MEI4: variants seen among roughly 807,000 people sequenced by gnomAD.
MEI4 encodes meiosis-specific protein MEI4.
A neutral mutation model predicts 31.4 loss-of-function variants in MEI4; 27 were observed. The ratio of observed to expected loss-of-function variants is 0.86; its 90% CI spans 0.63 to 1.19. The LOEUF (loss-of-function observed/expected upper bound fraction) is 1.19, where lower values mean the gene tolerates loss of function less well. Ranked by LOEUF, MEI4 falls within the 50% of genes most tolerant of loss-of-function variation. The pLI is 0.00. For synonymous variants in MEI4, 122 were observed against 145.4 expected (o/e 0.84, Z 1.16); for missense variants, 329 against 398.9 (o/e 0.82, Z 1.49).
At chr6:77,917,120 A>G (rs1171406717) in intron 4 of MEI4, among the ~76,000 whole-genome samples, 1 of 151,894 alleles carries the variant, frequency 6.6e-6, no homozygotes, top group Non-Finnish European at 1.5e-5. Context: ...TTATGGCTGC[A>G]TAGTATTCCG....
At chr6:77,916,034 T>G (rs983191112) in intron 4 of MEI4, among the ~76,000 whole-genome samples, 1 of 152,056 alleles carries the variant, frequency 6.6e-6, no homozygotes, top group Non-Finnish European at 1.5e-5. Flanking sequence ...TAATTCTGCT[T>G]GACCTAGTTG....
chr6:77,830,647 A>G lies in MEI4; in HGVS notation c.900+1585A>G, dbSNP rs374367147. Among the ~76,000 whole-genome samples the G allele has an allele frequency of 1.6e-4, 25 of 152,182 alleles. No individual in the cohort carries two copies. The East Asian group carries it at 1.9e-3, about 12-fold the overall frequency. On this transcript the variant is annotated intron_variant, in intron 4 of 4. Coordinates refer to ENST00000684080, the MANE Select transcript of MEI4 (RefSeq NM_001322247.2). Reference sequence around the variant, plus strand: ...CTTGTATTTTGCTAAGGAGTTTTGCATTGGCCAAAGGGCAGTATTTAATAA... The same window carrying G: ...CTTGTATTTTGCTAAGGAGTTTTGCGTTGGCCAAAGGGCAGTATTTAATAA...
chr6:77,829,089 T>C (rs991079826), intron 4 of MEI4, 27 bp downstream of exon 4: 28 of 1,224,904 alleles, frequency 2.3e-5, no homozygotes, highest in Non-Finnish European at 2.8e-5. Flanking sequence ...ACTGTAGTTC[T>C]CATATATAGT....
intron 4 of MEI4, among the ~76,000 whole-genome samples, chr6:77,920,391 A>AC (rs1212526671): frequency 6.6e-6 from 1 of 152,048 alleles, no homozygotes; most frequent in East Asian, 1.9e-4. Flanking sequence ...AGAGCCAAAG[A>AC]CAAAAACCAC....
chr6:77,762,747 T>C (rs1768074185), intron 3 of MEI4, among the ~76,000 whole-genome samples: 1 of 152,152 alleles, frequency 6.6e-6, no homozygotes, highest in Non-Finnish European at 1.5e-5. Flanking sequence ...TTGATCAATA[T>C]TTTAAAAACT....
chr6:77,784,227 A>C (rs1768671470), intron 3 of MEI4, among the ~76,000 whole-genome samples: 1 of 152,214 alleles, frequency 6.6e-6, no homozygotes, highest in Admixed American at 6.6e-5. Context: ...ATAAATACAC[A>C]CACCAATAAA....
chr6:77,702,946 T>A (rs1163806961), intron 2 of MEI4, among the ~76,000 whole-genome samples: 2 of 152,214 alleles, frequency 1.3e-5, no homozygotes, highest in African/African-American at 2.4e-5. Context: ...GATACCACTT[T>A]TGTCTTCACT....
rs146977086 is a variant in MEI4 at position 77,774,023 on chromosome 6, G to A, written c.768+12358G>A. 1.4e-3 allele frequency among the ~76,000 whole-genome samples: 212 copies of A among 152,184 alleles called. 1 individual carries two copies. Among genetic ancestry groups the A allele is most frequent in the African/African-American group, 4.5e-3 (186 of 41,550 alleles). Reference sequence around the variant, plus strand: ...AAAAGACAGATAATGACAACTGCTGGTGAGGATGTGGAGAAAAAAAGACCC... The same window carrying A: ...AAAAGACAGATAATGACAACTGCTGATGAGGATGTGGAGAAAAAAAGACCC... On this transcript the variant is annotated intron_variant, in intron 3 of 4. Coordinates refer to ENST00000684080, the MANE Select transcript of MEI4 (RefSeq NM_001322247.2).
At chr6:77,740,873 A>G (rs2127672583) in intron 2 of MEI4, among the ~76,000 whole-genome samples, 1 of 152,226 alleles carries the variant, frequency 6.6e-6, no homozygotes, top group East Asian at 1.9e-4. Context: ...GCAGGCATCA[A>G]ACAACAGAAA....
chr6:77,802,905 T>A (rs1769309842), intron 3 of MEI4, among the ~76,000 whole-genome samples: 1 of 152,200 alleles, frequency 6.6e-6, no homozygotes, highest in South Asian at 2.1e-4. Context: ...GCCCTTAACA[T>A]TTTTTCCTTC....
rs150762375 is a variant in MEI4, at chr6:77,737,041, A to G, written c.233-24089A>G. ...ATGAGGAGGTGTTCTAGAAAATAAGATGACAAACTAGGTTGAAGCCTAGTA... is the reference window on the plus strand; with the variant it reads ...ATGAGGAGGTGTTCTAGAAAATAAGGTGACAAACTAGGTTGAAGCCTAGTA... On this transcript the variant is annotated intron_variant, in intron 2 of 4. Coordinates refer to ENST00000684080, the MANE Select transcript of MEI4 (RefSeq NM_001322247.2). Among the ~76,000 whole-genome samples, 632 of 152,300 alleles carry G rather than the reference A, an allele frequency of 4.1e-3. 5 individuals are homozygous for G. The highest frequency in any genetic ancestry group is 0.014 in the African/African-American group (579 of 41,564).
Position 77,778,407 on chromosome 6 carries a change from A to T in MEI4, c.768+16742A>T, listed in dbSNP as rs529817777. 3.3e-5 allele frequency among the ~76,000 whole-genome samples: 5 copies of T among 152,198 alleles called. 1 individual carries two copies. The South Asian group carries it at 1.0e-3, about 32-fold the overall frequency. Reference sequence around the variant, plus strand: ...CATATGTCTGAACAACTTTAGTACAAGTAAAAATCCAGGCTAGGTGTGGTG... The same window carrying T: ...CATATGTCTGAACAACTTTAGTACATGTAAAAATCCAGGCTAGGTGTGGTG... On this transcript the variant is annotated intron_variant, in intron 3 of 4. Coordinates refer to ENST00000684080, the MANE Select transcript of MEI4 (RefSeq NM_001322247.2).
intron 2 of MEI4, among the ~76,000 whole-genome samples, chr6:77,742,960 G>T (rs1582089374): frequency 6.6e-6 from 1 of 151,948 alleles, no homozygotes; most frequent in South Asian, 2.1e-4. Context: ...TTAGGGCTCT[G>T]TTCTGTTCCA....
chr6:77,666,403 G>A (rs935267132), intron 1 of MEI4, among the ~76,000 whole-genome samples: 2 of 152,166 alleles, frequency 1.3e-5, no homozygotes, highest in African/African-American at 4.8e-5. Flanking sequence ...GCAAGTCACA[G>A]GGGATGCGAT....
intron 3 of MEI4, among the ~76,000 whole-genome samples, chr6:77,790,264 A>AG (rs71546068): frequency 9.8e-6 from 1 of 101,700 alleles, no homozygotes; most frequent in African/African-American, 3.5e-5. Flanking sequence ...GGGTGGGGGG[A>AG]GGGGGGAGGG....
At chr6:77,745,062 TGAG>T (rs1767553721) in intron 2 of MEI4, among the ~76,000 whole-genome samples, 1 of 152,122 alleles carries the variant, frequency 6.6e-6, no homozygotes, top group African/African-American at 2.4e-5. Context: ...CTGCATCAAC[TGAG>T]AAGCAAAATA....
chr6:77,696,788 T>G (rs1369057531), intron 2 of MEI4, among the ~76,000 whole-genome samples: 1 of 152,020 alleles, frequency 6.6e-6, no homozygotes, highest in African/African-American at 2.4e-5. Flanking sequence ...ATAAAATGAG[T>G]TAGGGAGGAT....
chr6:77,771,231 CAAT>C (rs1330679987), intron 3 of MEI4, among the ~76,000 whole-genome samples: 4 of 151,942 alleles, frequency 2.6e-5, no homozygotes, highest in African/African-American at 7.3e-5. Context: ...ATCAAAACCA[CAAT>C]GAGATACCAT....
chr6:77,911,385 A>G (rs558499586), intron 4 of MEI4, among the ~76,000 whole-genome samples: 27 of 152,122 alleles, frequency 1.8e-4, no homozygotes, highest in South Asian at 4.1e-4. Context: ...GCAGTTTGGT[A>G]TACAAATGAT....
Sources: allele counts gnomAD v4.1 joint callset (sites outside exome capture counted in the v4.1 genomes callset), GRCh38; gene constraint gnomAD v4.1.1; transcripts MANE v1.5; gene names NCBI Gene and HGNC (gene_info 2026-07-23, HGNC 2026-07-21).